Variants in ZSCAN25 observed in about 807,000 individuals in gnomAD.
The protein encoded by ZSCAN25 is zinc finger and SCAN domain-containing protein 25.
Under a neutral mutation model 38.7 loss-of-function variants are expected in ZSCAN25, and 27 were observed. The observed-to-expected ratio is 0.70, with a 90% CI of 0.51 to 0.96. The LOEUF is 0.96. ZSCAN25 is among the 40% of genes least tolerant of loss of function. ZSCAN25 has a pLI of 0.00. For missense variants in ZSCAN25, 637 were observed against 705.9 expected (o/e 0.90, Z 1.11); for synonymous variants, 273 against 277.7 (o/e 0.98, Z 0.17).
At chr7:99,717,711 A>G in the ZSCAN25 span, 44 of 1,553,158 alleles carry the variant, frequency 2.8e-5, no homozygotes, top group Middle Eastern at 3.4e-4. Context: ...AAAATGTGTT[A>G]AACAGGCATC....
the ZSCAN25 span, among the ~76,000 whole-genome samples, chr7:99,734,261 G>A: frequency 1.3e-5 from 2 of 152,332 alleles, no homozygotes; most frequent in East Asian, 3.8e-4. Flanking sequence ...GTGAAATTGA[G>A]TTAGAAGTAA....
the ZSCAN25 span, chr7:99,705,152 T>C: frequency 4.0e-6 from 1 of 252,308 alleles, no homozygotes. Context: ...AATTCCTATT[T>C]TTATTAATGA....
Position 99,630,216 on chromosome 7 carries a change from A to G in ZSCAN25, c.*196A>G, listed in dbSNP as rs2051365072. On this transcript the variant is annotated 3_prime_UTR_variant, in exon 8 of 8. Coordinates refer to ENST00000394152, the MANE Select transcript of ZSCAN25 (RefSeq NM_145115.3). ...TCCATCTCTTACCCAAGTGGTGCTA[A>G]ACAATTTTTCTTCCAATGTTTGAGG... The G allele has an allele frequency of 7.3e-7, 1 of 1,361,208 alleles. No homozygotes were observed. Among genetic ancestry groups the G allele is most frequent in the Non-Finnish European group, 9.4e-7 (1 of 1,062,934 alleles). 84.3% of individuals were successfully genotyped at this position (1,361,208 alleles called of 1,614,324 possible).
In ZSCAN25 at chr7:99,629,840, A is replaced by G. The variant is rs772014600; in HGVS notation, c.1455A>G (p.Pro485=). The change falls in exon 8 of 8, where the codon CCA becomes CCG. Residue 485 remains proline (P), a synonymous_variant. Transcript: ENST00000394152. The surrounding 1 kb of genome is among the most constrained non-coding windows in gnomAD (Gnocchi z 5.6). ...GGCGTGCCCACACTGGCGAGAAGCC[A>G]TATGGGTGCCAGGTGTGCGGGAAGC... ...VHRRAHTGEK[P]YGCQVCGKRF... The G allele has an allele frequency of 2.5e-6, 4 of 1,614,218 alleles. No homozygotes were observed. The highest frequency in any genetic ancestry group is 3.4e-6 in the Non-Finnish European group (4 of 1,180,016).
the ZSCAN25 span, chr7:99,663,705 GT>G: frequency 9.3e-7 from 1 of 1,071,626 alleles, no homozygotes; most frequent in Non-Finnish European, 1.1e-6. Context: ...GGGAAGAGAA[GT>G]GGTAAAATTT....
the ZSCAN25 span, among the ~76,000 whole-genome samples, chr7:99,712,337 C>T: frequency 6.6e-6 from 1 of 152,188 alleles, no homozygotes. Context: ...TACCATGAAC[C>T]TGATGATACT....
At chr7:99,656,416 TC>T in the ZSCAN25 span, among the ~76,000 whole-genome samples, 2 of 152,242 alleles carry the variant, frequency 1.3e-5, no homozygotes, top group African/African-American at 4.8e-5. Context: ...CAGCCTTGCA[TC>T]CCAGGGATGA....
the ZSCAN25 span, chr7:99,666,710 T>C: frequency 1.7e-5 from 27 of 1,613,844 alleles, no homozygotes; most frequent in South Asian, 3.3e-5. Context: ...AACAGATCAG[T>C]ACCTGTAGTT....
At chr7:99,687,530 C>A in the ZSCAN25 span, among the ~76,000 whole-genome samples, 1 of 152,030 alleles carries the variant, frequency 6.6e-6, no homozygotes, top group African/African-American at 2.4e-5. Context: ...GTGAAAAGAC[C>A]AAATCTACGT....
At chr7:99,726,645 A>G in the ZSCAN25 span, among the ~76,000 whole-genome samples, 1 of 152,206 alleles carries the variant, frequency 6.6e-6, no homozygotes, top group Non-Finnish European at 1.5e-5. Context: ...CTTCTGGGAC[A>G]GCCCTCATTA....
the ZSCAN25 span, chr7:99,715,324 T>C: frequency 5.3e-6 from 1 of 189,480 alleles, no homozygotes; most frequent in African/African-American, 2.4e-5. Flanking sequence ...AACCCACAAA[T>C]CAATAATCTA....
At chr7:99,620,097 CGCCCTCCTCT>C in intron 4 of ZSCAN25, 104 bp downstream of exon 4, 1 of 1,422,446 alleles carries the variant, frequency 7.0e-7, no homozygotes, top group Non-Finnish European at 9.2e-7. Flanking sequence ...GGTGTGGAGC[CGCCCTCCTCT>C]GCCCTCAGAC....
the ZSCAN25 span, among the ~76,000 whole-genome samples, chr7:99,721,531 AGAG>A: frequency 2.6e-5 from 4 of 152,198 alleles, no homozygotes; most frequent in Admixed American, 6.5e-5. Context: ...GAAAAAAAGA[AGAG>A]GGGAATAGGC....
At chr7:99,683,269 C>G in the ZSCAN25 span, among the ~76,000 whole-genome samples, 1 of 152,174 alleles carries the variant, frequency 6.6e-6, no homozygotes, top group Non-Finnish European at 1.5e-5. Flanking sequence ...ACTAAGTGTG[C>G]TCATTGCTAT....
the ZSCAN25 span, among the ~76,000 whole-genome samples, chr7:99,662,355 C>T: frequency 6.6e-6 from 1 of 152,146 alleles, no homozygotes; most frequent in East Asian, 1.9e-4. This position sits in a 1 kb window ranked among gnomAD's most constrained non-coding sequence, Gnocchi z 4.3. Context: ...AGAGGTGTCC[C>T]CCATTAGTTA....
chr7:99,686,635 G>T, the ZSCAN25 span, among the ~76,000 whole-genome samples: 1 of 152,196 alleles, frequency 6.6e-6, no homozygotes, highest in Non-Finnish European at 1.5e-5. Context: ...AAATGTCCCT[G>T]TCTGACAGCT....
chr7:99,656,179 C>T, the ZSCAN25 span, among the ~76,000 whole-genome samples: 3 of 152,138 alleles, frequency 2.0e-5, no homozygotes, highest in African/African-American at 7.2e-5. Flanking sequence ...GGAATGATTC[C>T]AGTTTTTGTC....
the ZSCAN25 span, among the ~76,000 whole-genome samples, chr7:99,646,564 C>A: frequency 6.6e-6 from 1 of 152,090 alleles, no homozygotes; most frequent in Non-Finnish European, 1.5e-5. Context: ...TTTCCAAATA[C>A]CATTTAGAAA....
At chr7:99,694,474 A>C in the ZSCAN25 span, among the ~76,000 whole-genome samples, 1 of 152,222 alleles carries the variant, frequency 6.6e-6, no homozygotes, top group Non-Finnish European at 1.5e-5. Flanking sequence ...ACAGCAAATT[A>C]CAACACTTGC....
Sources: gnomAD v4.1 joint callset for allele counts (sites outside exome capture counted in the v4.1 genomes callset) on GRCh38, gnomAD v4.1.1 for gene constraint, Gnocchi (gnomAD v3.1) non-coding constraint, MANE v1.5 for transcripts, NCBI Gene and HGNC (gene_info 2026-07-23, HGNC 2026-07-21) for gene names.